Variants in PPFIBP1 observed in about 807,000 individuals in gnomAD.
PPFIBP1 encodes the protein liprin-beta-1.
Under a neutral mutation model 137.8 loss-of-function variants are expected in PPFIBP1, and 112 were observed. The ratio of observed to expected loss-of-function variants is 0.81; its 90% CI spans 0.70 to 0.95. The LOEUF (loss-of-function observed/expected upper bound fraction) is 0.95. PPFIBP1 is among the 40% of genes least tolerant of loss of function. The probability of loss-of-function intolerance (pLI) is 0.00; values close to 1 mark genes in which losing one functional copy is unlikely to be tolerated. For missense variants in PPFIBP1, 1,083 were observed against 1,196.6 expected (o/e 0.91, Z 1.40); for synonymous variants, 378 against 417.3 (o/e 0.91, Z 1.15).
intron 19 of PPFIBP1, among the ~76,000 whole-genome samples, chr12:27,678,797 C>G (rs183929054): frequency 3.2e-4 from 45 of 138,572 alleles, no homozygotes; most frequent in African/African-American, 1.1e-3. Flanking sequence ...GCGGAGGTTG[C>G]AGTAAGCCGA....
At chr12:27,657,754 A>C (rs1339393908) in intron 9 of PPFIBP1, among the ~76,000 whole-genome samples, 1 of 151,952 alleles carries the variant, frequency 6.6e-6, no homozygotes, top group Non-Finnish European at 1.5e-5. Context: ...CATATATATA[A>C]TTGTGTATTG....
At chr12:27,570,947 A>G (rs1219428227) in intron 1 of PPFIBP1, among the ~76,000 whole-genome samples, 1 of 151,940 alleles carries the variant, frequency 6.6e-6, no homozygotes, top group Non-Finnish European at 1.5e-5. Flanking sequence ...AAAAAAATAA[A>G]ATGTGCATAT....
chr12:27,641,831 C>T lies in PPFIBP1; in HGVS notation c.271-4231C>T, dbSNP rs545417062. ...ATCTATCACCTGAGAACACAGGGGG[C>T]GGGACAATGATCGGGATATAAACCA... On this transcript the variant is annotated intron_variant, in intron 4 of 29. Coordinates refer to ENST00000228425, the MANE Select transcript of PPFIBP1 (RefSeq NM_003622.4). 2.0e-5 allele frequency among the ~76,000 whole-genome samples: 3 copies of T among 152,140 alleles called. No homozygotes were observed. The South Asian group carries it at 6.2e-4, about 32-fold the overall frequency.
chr12:27,654,305 G>C (rs2059061709), intron 7 of PPFIBP1: 1 of 152,564 alleles, frequency 6.6e-6, no homozygotes, highest in Non-Finnish European at 1.5e-5. Flanking sequence ...CATTGAGAAG[G>C]TTCAAAAGGT....
At chr12:27,552,329 G>A (rs1243779053) in intron 1 of PPFIBP1, among the ~76,000 whole-genome samples, 1 of 152,194 alleles carries the variant, frequency 6.6e-6, no homozygotes, top group Non-Finnish European at 1.5e-5. Flanking sequence ...CCGCTATCAG[G>A]TTAGGGGTCA....
intron 2 of PPFIBP1, among the ~76,000 whole-genome samples, chr12:27,607,596 A>AATTT (rs1432577794): frequency 1.3e-5 from 2 of 152,098 alleles, no homozygotes; most frequent in African/African-American, 4.8e-5. Flanking sequence ...GGAGCCTGAG[A>AATTT]ATTTGCATTT....
intron 1 of PPFIBP1, among the ~76,000 whole-genome samples, chr12:27,573,112 TTAGCTC>T (rs1409627881): frequency 2.0e-5 from 3 of 152,228 alleles, no homozygotes; most frequent in Non-Finnish European, 4.4e-5. Context: ...CTCAGCTAAG[TTAGCTC>T]TACTTGTCAA....
intron 1 of PPFIBP1, among the ~76,000 whole-genome samples, chr12:27,543,880 CTTT>C (rs35787446): frequency 9.5e-6 from 1 of 105,810 alleles, no homozygotes; most frequent in Non-Finnish European, 1.8e-5. Context: ...CCCGCCCCTG[CTTT>C]TTTTTTTTTT....
chr12:27,559,457 G>A (rs866489638), intron 1 of PPFIBP1, among the ~76,000 whole-genome samples: 2 of 152,156 alleles, frequency 1.3e-5, no homozygotes, highest in African/African-American at 4.8e-5. Context: ...GTGAGCCACC[G>A]TGCCCGACCC....
chr12:27,524,695 G>A (rs1341839854), intron 1 of PPFIBP1, among the ~76,000 whole-genome samples: 1 of 151,958 alleles, frequency 6.6e-6, no homozygotes, highest in Non-Finnish European at 1.5e-5. Flanking sequence ...CTGTCTGTGT[G>A]TATTGAGGCA....
chr12:27,663,684 A>T, intron 11 of PPFIBP1, among the ~76,000 whole-genome samples: 1 of 152,218 alleles, frequency 6.6e-6, no homozygotes, highest in East Asian at 1.9e-4. Context: ...CTACAAAAAT[A>T]CAAAAATGAG....
intron 12 of PPFIBP1, among the ~76,000 whole-genome samples, chr12:27,665,166 C>T (rs1188673970): frequency 7.2e-5 from 11 of 152,134 alleles, no homozygotes; most frequent in East Asian, 1.9e-4. Context: ...CCAGCCTAGG[C>T]GGCAGAGTGA....
chr12:27,587,285 T>C (rs996465683), intron 2 of PPFIBP1, among the ~76,000 whole-genome samples: 5 of 152,178 alleles, frequency 3.3e-5, no homozygotes, highest in African/African-American at 1.2e-4. Flanking sequence ...AAGTTTTATT[T>C]AGAGTAAATG....
chr12:27,556,592 A>G (rs1056341031), intron 1 of PPFIBP1, among the ~76,000 whole-genome samples: 6 of 152,218 alleles, frequency 3.9e-5, no homozygotes, highest in African/African-American at 1.4e-4. Flanking sequence ...GAAAGTTGTC[A>G]GTTACTGAGG....
intron 2 of PPFIBP1, among the ~76,000 whole-genome samples, chr12:27,595,882 ACAAAATATATATAT>A (rs1162657278): frequency 1.1e-4 from 10 of 88,794 alleles, no homozygotes; most frequent in South Asian, 3.4e-4. Context: ...AACAACAACA[ACAAAATATATATAT>A]ATATATATAT....
intron 10 of PPFIBP1, among the ~76,000 whole-genome samples, chr12:27,660,003 T>G (rs1565959594): frequency 6.6e-5 from 8 of 121,956 alleles, no homozygotes; most frequent in Non-Finnish European, 1.6e-5. Flanking sequence ...CTTTAGCTGA[T>G]TTTTTTTTTC....
In PPFIBP1 at chr12:27,585,694, G is replaced by T. The variant is rs1414764438; in HGVS notation, c.-36+7455G>T. 2.0e-5 allele frequency among the ~76,000 whole-genome samples: 3 copies of T among 152,310 alleles called. No individual in the cohort carries two copies. In the East Asian group the frequency reaches 5.8e-4, roughly 29 times the overall value. ...ACGGGTAAAAGTGAAGTGCTGTGGT[G>T]GCACAAGGCAGAGTGAGGTTAATTC... is the stretch of plus-strand genomic sequence containing the variant. On this transcript the variant is annotated intron_variant, in intron 2 of 29. Transcript: ENST00000228425.
chr12:27,677,386 C>T, intron 19 of PPFIBP1: 2 of 483,200 alleles, frequency 4.1e-6, no homozygotes, highest in Non-Finnish European at 7.4e-6. Flanking sequence ...AATGTCCTGG[C>T]ATTGTACATT....
In PPFIBP1 at chr12:27,676,446, A is replaced by G. The variant is rs779269823; in HGVS notation, c.1429A>G (p.Ser477Gly). The change falls in exon 18 of 30, where the codon AGC becomes GGC. Residue 477 changes from serine to glycine, a missense_variant. Coordinates refer to ENST00000228425, the MANE Select transcript of PPFIBP1 (RefSeq NM_003622.4). ...CTCTCAGGACAGAGCTCCGGCAGAA[A>G]GCAGGCCATTTGGGACCCTTCCTCC... The part of the protein sequence containing the change: ...KTSEDRAPAE[S>G]RPFGTLPPRP... 6.5e-7 allele frequency: 1 copy of G among 1,547,396 alleles called. No homozygotes were observed. The highest frequency in any genetic ancestry group is 8.7e-7 in the Non-Finnish European group (1 of 1,147,590).
Sources: gnomAD v4.1 joint callset for allele counts (sites outside exome capture counted in the v4.1 genomes callset) on GRCh38, gnomAD v4.1.1 for gene constraint, MANE v1.5 for transcripts, NCBI Gene and HGNC (gene_info 2026-07-23, HGNC 2026-07-21) for gene names.